PARN: variants seen among roughly 807,000 people sequenced by gnomAD.
The protein encoded by PARN is poly(A)-specific ribonuclease PARN.
PARN carries 71 observed loss-of-function variants against 102.8 expected under a neutral mutation model. The ratio of observed to expected loss-of-function variants is 0.69; its 90% CI spans 0.57 to 0.84. PARN has a LOEUF of 0.84. Ranked by LOEUF, PARN falls within the 40% of genes least tolerant of loss-of-function variation. The probability of loss-of-function intolerance (pLI) is 0.00; values close to 1 mark genes in which losing one functional copy is unlikely to be tolerated. For synonymous variants in PARN, 261 were observed against 252.9 expected, an observed-to-expected ratio of 1.03 and a Z score of -0.30; for missense variants, 782 against 760.9, an observed-to-expected ratio of 1.03 and a Z score of -0.33.
At chr16:14,612,925 A>G (rs1472654169) in intron 6 of PARN, among the ~76,000 whole-genome samples, 3 of 152,086 alleles carry the variant, frequency 2.0e-5, no homozygotes, top group Admixed American at 1.3e-4. Flanking sequence ...CTAAGGGAAT[A>G]CACAAATTAA....
intron 21 of PARN, among the ~76,000 whole-genome samples, chr16:14,525,382 T>A (rs1965942837): frequency 6.6e-6 from 1 of 152,076 alleles, no homozygotes; most frequent in Non-Finnish European, 1.5e-5. Context: ...AATGCAGCGG[T>A]CACAGAAGGG....
At chr16:14,497,236 CT>C (rs151310707) in intron 21 of PARN, among the ~76,000 whole-genome samples, 3,955 of 152,238 alleles carry the variant, frequency 0.026, 85 homozygotes, top group Non-Finnish European at 0.044. Context: ...CTGACCTGAA[CT>C]CTATAACACA....
At chr16:14,502,266 G>A (rs1004716615) in intron 21 of PARN, among the ~76,000 whole-genome samples, 1 of 152,188 alleles carries the variant, frequency 6.6e-6, no homozygotes, top group Non-Finnish European at 1.5e-5. Context: ...AATTACCCTT[G>A]AAACTTCTTT....
intron 18 of PARN, among the ~76,000 whole-genome samples, chr16:14,568,981 G>A (rs1968611841): frequency 6.6e-6 from 1 of 151,984 alleles, no homozygotes; most frequent in Non-Finnish European, 1.5e-5. Context: ...AGAGGCTGAG[G>A]TGGGCGGATC....
At chr16:14,446,466 A>G (rs1039248491) in intron 23 of PARN, among the ~76,000 whole-genome samples, 3 of 152,222 alleles carry the variant, frequency 2.0e-5, no homozygotes, top group Non-Finnish European at 4.4e-5. Context: ...TGCTTCTTAT[A>G]TAATTCTGCT....
chr16:14,557,048 A>G (rs891568654), intron 18 of PARN, among the ~76,000 whole-genome samples: 2 of 152,222 alleles, frequency 1.3e-5, no homozygotes, highest in Admixed American at 6.5e-5. Context: ...CTGTCATGCC[A>G]TTCAATTTTC....
intron 22 of PARN, among the ~76,000 whole-genome samples, chr16:14,462,135 T>G (rs906665506): frequency 6.6e-5 from 10 of 152,134 alleles, no homozygotes; most frequent in African/African-American, 2.4e-4. Context: ...GCACAGAGAA[T>G]TACTTGAAAA....
chr16:14,600,903 C>CCTGG (rs1175159794), intron 11 of PARN, among the ~76,000 whole-genome samples: 2 of 152,104 alleles, frequency 1.3e-5, no homozygotes, highest in Non-Finnish European at 2.9e-5. Context: ...CATTGCACTC[C>CCTGG]AGCCTGGGCA....
intron 18 of PARN, chr16:14,558,602 T>C (rs1184979602): frequency 1.3e-5 from 2 of 152,112 alleles, no homozygotes; most frequent in African/African-American, 4.8e-5. Context: ...AATATGCCAA[T>C]AATCAAAATC....
rs1971311281 is a variant in PARN at position 14,608,226 on chromosome 16, A to C, written c.659+55T>G. The C allele has an allele frequency of 2.5e-6, 3 of 1,217,178 alleles. No individual in the cohort carries two copies. In the East Asian group the frequency reaches 7.6e-5, roughly 31 times the overall value. The allele number at this position is 1,217,178 out of a possible 1,614,324, so 75.4% of individuals were successfully genotyped here. The stretch of plus-strand genomic sequence containing the variant: ...AAATGAGAACTAAGAGATTATATTT[A>C]GTCTTTAAATCCTGGGTCCCCCACA... On this transcript the variant is annotated intron_variant, in intron 9 of 23. Coordinates refer to ENST00000437198, the MANE Select transcript of PARN (RefSeq NM_002582.4).
intron 21 of PARN, among the ~76,000 whole-genome samples, chr16:14,489,594 G>C (rs1435489698): frequency 2.6e-5 from 4 of 152,206 alleles, no homozygotes; most frequent in African/African-American, 4.8e-5. Context: ...TCACATGGAA[G>C]TGGAGCCCCT....
intron 12 of PARN, among the ~76,000 whole-genome samples, chr16:14,594,228 A>G (rs1244940431): frequency 6.6e-6 from 1 of 152,188 alleles, no homozygotes; most frequent in Non-Finnish European, 1.5e-5. Context: ...TCTTAAACAC[A>G]CATCCATTAA....
chr16:14,509,322 C>T (rs1459555832), intron 21 of PARN, among the ~76,000 whole-genome samples: 1 of 152,192 alleles, frequency 6.6e-6, no homozygotes, highest in African/African-American at 2.4e-5. Context: ...GCTGGCCCTG[C>T]TGGCTCACAG....
At chr16:14,490,751 G>C (rs1274602114) in intron 21 of PARN, among the ~76,000 whole-genome samples, 1 of 152,068 alleles carries the variant, frequency 6.6e-6, no homozygotes, top group Admixed American at 6.5e-5. Flanking sequence ...CTTTGTGTTT[G>C]TTTGCTTATT....
chr16:14,555,677 T>C lies in PARN; in HGVS notation c.1295A>G (p.Tyr432Cys), dbSNP rs1409909911. 4 of 1,485,476 alleles carry C rather than the reference T, an allele frequency of 2.7e-6. No individual in the cohort carries two copies. Among genetic ancestry groups the C allele is most frequent in the African/African-American group, 2.8e-5 (2 of 71,260 alleles). 92.0% of individuals were successfully genotyped at this position (1,485,476 alleles called of 1,614,324 possible). A position where few individuals can be genotyped will look rare whatever the true frequency, so the allele number is the denominator to read the frequency against. ...LFLMRVMDIP[Y>C]LNLEGPDLQP... is the part of the protein sequence containing the mutation. ...ACAGTCTGGTCCTTCCAAGTTTAGA[T>C]AGGGGATATCCATGACCCTCATAAG... The change falls in exon 19 of 24, where the codon TAT becomes TGT. Residue 432 changes from tyrosine to cysteine, a missense_variant. By Grantham distance (194) the Tyr-to-Cys change is radical (BLOSUM62 -2). Coordinates refer to ENST00000437198, the MANE Select transcript of PARN (RefSeq NM_002582.4).
At chr16:14,580,700 T>C (rs1349806428) in intron 18 of PARN, among the ~76,000 whole-genome samples, 174 bp downstream of exon 18, 1 of 152,122 alleles carries the variant, frequency 6.6e-6, no homozygotes, top group Non-Finnish European at 1.5e-5. Context: ...TTTTAATACA[T>C]TTGTTCCCCA....
rs2151799691 is a variant in PARN at position 14,612,284 on chromosome 16, A to G, written c.389-1475T>C. Reference sequence around the variant, plus strand: ...AAACCCCGTCTCTACTAAAAATACAAAAATTAGCTGGGCATGGTGGTGTGT... The same window carrying G: ...AAACCCCGTCTCTACTAAAAATACAGAAATTAGCTGGGCATGGTGGTGTGT... On this transcript the variant is annotated intron_variant, in intron 6 of 23. Coordinates refer to ENST00000437198, the MANE Select transcript of PARN (RefSeq NM_002582.4). Among the ~76,000 whole-genome samples the G allele has an allele frequency of 2.6e-5, 4 of 152,124 alleles. No individual in the cohort carries two copies. In the South Asian group the frequency reaches 8.3e-4, roughly 32 times the overall value.
intron 13 of PARN, among the ~76,000 whole-genome samples, chr16:14,590,787 G>C (rs1232643443): frequency 6.6e-6 from 1 of 151,988 alleles, no homozygotes; most frequent in Admixed American, 6.6e-5. Context: ...AAATACAAGG[G>C]GAGCAACTGA....
chr16:14,486,702 T>C (rs1963720050), intron 21 of PARN, among the ~76,000 whole-genome samples: 1 of 152,230 alleles, frequency 6.6e-6, no homozygotes, highest in African/African-American at 2.4e-5. Context: ...GCTTTGCAGC[T>C]CTCGGCCTTT....
Sources: allele counts gnomAD v4.1 joint callset (sites outside exome capture counted in the v4.1 genomes callset), GRCh38; gene constraint gnomAD v4.1.1; transcripts MANE v1.5; gene names NCBI Gene and HGNC (gene_info 2026-07-23, HGNC 2026-07-21).